The following TH variants were observed in gnomAD, a reference collection of about 807,000 sequenced individuals.
TH encodes the protein tyrosine hydroxylase, also known as tyrosine 3-monooxygenase.
TH carries 49 observed loss-of-function variants against 57.4 expected under a neutral mutation model. That is an observed-to-expected ratio of 0.85 (90% CI 0.68 to 1.08). The LOEUF is 1.08. TH is among the 50% of genes least tolerant of loss of function. TH has a pLI of 0.00. For synonymous variants in TH, 330 were observed against 304.5 expected (o/e 1.08, Z -0.87); for missense variants, 720 against 696.7 (o/e 1.03, Z -0.38).
Position 2,169,807 on chromosome 11 carries a change from G to A in TH, c.155C>T (p.Ala52Val), listed in dbSNP as rs1338337952. The A allele has an allele frequency of 5.0e-6, 8 of 1,610,970 alleles. No individual in the cohort carries two copies. The highest frequency in any genetic ancestry group is 1.7e-5 in the Admixed American group (1 of 59,914). ...GACTGCAGCGGCCGCTGCTGCCACC[G>A]CCGCCTCCCGCTCCTTGCGGGCGTC... ...IEDARKEREA[A>V]VAAAAAAVPS... Residue 52 changes from alanine to valine, a missense_variant, in exon 2 of 13, where the codon GCG becomes GTG. Coordinates refer to ENST00000352909, the MANE Select transcript of TH (RefSeq NM_000360.4).
In TH at chr11:2,166,527, C is replaced by T; in HGVS notation, c.1000G>A (p.Gly334Arg). Residue 334 changes from glycine to arginine, a missense_variant, in exon 9 of 13, where the codon GGG (glycine) becomes AGG (arginine). Physicochemically the swap from Gly to Arg is moderately radical, Grantham distance 125 (BLOSUM62 -2). Coordinates refer to ENST00000352909, the MANE Select transcript of TH (RefSeq NM_000360.4). ...CGGTCGGCCAGCATGGGCACGTGCC[C>T]CAGCAGCTCGTGGCAGCAGTCCCTG... ...PEPDCCHELL[G>R]HVPMLADRTF... The T allele has an allele frequency of 1.9e-6, 3 of 1,602,328 alleles. No individual in the cohort carries two copies. Among genetic ancestry groups the T allele is most frequent in the South Asian group, 1.1e-5 (1 of 89,796 alleles).
intron 11 of TH, 149 bp from the exon 12 acceptor site, chr11:2,165,514 G>A: frequency 7.2e-7 from 1 of 1,380,870 alleles, no homozygotes; most frequent in South Asian, 1.2e-5. Context: ...ATAATGTGGG[G>A]TGAGGACTGG....
Position 2,166,240 on chromosome 11 carries a change from T to C in TH, c.1048-182A>G, listed in dbSNP as rs1846086764. On this transcript the variant is annotated intron_variant, in intron 9 of 12. Coordinates refer to ENST00000352909, the MANE Select transcript of TH (RefSeq NM_000360.4). ...GGCCTCCTCCTCCAGGCAGCCCTCC[T>C]TGACCACATTCCTAAGCCCGTGGGC... The C allele has an allele frequency of 4.5e-6, 4 of 880,478 alleles. No individual in the cohort carries two copies. In the South Asian group the frequency reaches 6.3e-5, roughly 14 times the overall value. The allele number at this position is 880,478 out of a possible 1,614,324, so 54.5% of individuals were successfully genotyped here.
rs1299170832 is a variant in TH at position 2,165,309 on chromosome 11, C to T, written c.1257G>A (p.Val419=). The T allele has an allele frequency of 6.2e-7, 1 of 1,612,574 alleles. No homozygotes were observed. The highest frequency in any genetic ancestry group is 8.5e-7 in the Non-Finnish European group (1 of 1,179,998). ...GGTACGTCTGGTCTTGGTAGGGCTG[C>T]ACGGCCGCAGCCTCAGGGTCGAAGG... The part of the protein sequence containing the change: ...IRAFDPEAAA[V]QPYQDQTYQS... The change falls in exon 12 of 13, where the codon GTG becomes GTA. Residue 419 remains valine (V), a synonymous_variant. Transcript: ENST00000352909.
Position 2,167,496 on chromosome 11 carries a change from G to T in TH, c.645-11C>A. Reference sequence around the variant, plus strand: ...GGAATCGGGTCGCCGCTGGGGAGGGGGCCAGTGGTCAGCAGGTCCCCTCGG... The same window carrying T: ...GGAATCGGGTCGCCGCTGGGGAGGGTGCCAGTGGTCAGCAGGTCCCCTCGG... On this transcript the variant is annotated splice_polypyrimidine_tract_variant and intron_variant, in intron 5 of 12. Transcript: ENST00000352909. 1 of 1,556,372 alleles carries T rather than the reference G, an allele frequency of 6.4e-7. No individual in the cohort carries two copies. Among genetic ancestry groups the T allele is most frequent in the Non-Finnish European group, 8.7e-7 (1 of 1,150,024 alleles).
At chr11:2,167,142 C>T in intron 6 of TH, 110 bp from the exon 7 acceptor site, 1 of 1,482,716 alleles carries the variant, frequency 6.7e-7, no homozygotes, top group Non-Finnish European at 9.1e-7. Flanking sequence ...ACGCAGGCCT[C>T]TTGGGGACCC....
At chr11:2,166,179 AC>A (rs1349294882) in intron 9 of TH, 121 bp from the exon 10 acceptor site, 2 of 1,174,490 alleles carry the variant, frequency 1.7e-6, no homozygotes, top group African/African-American at 3.0e-5. Flanking sequence ...GGCGGCAGAG[AC>A]CTTCCCTGGC....
At chr11:2,166,093 C>T in intron 9 of TH, 35 bp from the exon 10 acceptor site, 1 of 1,549,830 alleles carries the variant, frequency 6.5e-7, no homozygotes. Context: ...TGGGGAGAGG[C>T]AGCCCTGGGT....
chr11:2,165,404 C>G (rs754804363), intron 11 of TH, 39 bp from the exon 12 acceptor site: 1 of 1,604,220 alleles, frequency 6.2e-7, no homozygotes, highest in Admixed American at 1.7e-5. Flanking sequence ...TCCACTGCAC[C>G]CAGGTCCCCG....
chr11:2,165,634 T>C (rs1314549199), intron 11 of TH, 34 bp downstream of exon 11: 3 of 1,602,814 alleles, frequency 1.9e-6, no homozygotes, highest in Non-Finnish European at 2.6e-6. Context: ...GCCCTGCCCC[T>C]CTGCTGGGGG....
intron 9 of TH, 58 bp from the exon 10 acceptor site, chr11:2,166,116 G>T: frequency 6.6e-7 from 1 of 1,525,884 alleles, no homozygotes; most frequent in Non-Finnish European, 8.9e-7. Flanking sequence ...TGCTCGAGGT[G>T]GGGGCACCGG....
chr11:2,169,927 C>T, intron 1 of TH, 56 bp from the exon 2 acceptor site: 1 of 1,528,074 alleles, frequency 6.5e-7, no homozygotes, highest in Non-Finnish European at 8.9e-7. Context: ...CGGGGACCTC[C>T]ACCCACAGCT....
chr11:2,168,547 A>C lies in TH; in HGVS notation c.431T>G (p.Leu144Arg), dbSNP rs1235906491. The C allele has an allele frequency of 6.2e-7, 1 of 1,612,006 alleles. No individual in the cohort carries two copies. The highest frequency in any genetic ancestry group is 8.5e-7 in the Non-Finnish European group (1 of 1,179,726). ...LEVRRGDLAALLSGVRQVSED... is the reference protein window; with the variant it reads ...LEVRRGDLAARLSGVRQVSED... ...TGACACCTGGCGCACACCACTGAGCAGGGCGGCCAGGTCCCCTCGGCGCAC... is the reference window on the plus strand; with the variant it reads ...TGACACCTGGCGCACACCACTGAGCCGGGCGGCCAGGTCCCCTCGGCGCAC... Residue 144 changes from leucine to arginine, a missense_variant, in exon 3 of 13, where the codon CTG becomes CGG. Transcript: ENST00000352909.
In TH at chr11:2,169,842, G is replaced by T. The variant is rs766048900; in HGVS notation, c.120C>A (p.Ser40Arg). The T allele has an allele frequency of 6.2e-7, 1 of 1,610,422 alleles. No individual in the cohort carries two copies. The highest frequency in any genetic ancestry group is 8.5e-7 in the Non-Finnish European group (1 of 1,179,614). ...GCTCCTTGCGGGCGTCCTCGATGAGGCTCTGCCTGCGCCCAATGAACCGCG... is the reference window on the plus strand; with the variant it reads ...GCTCCTTGCGGGCGTCCTCGATGAGTCTCTGCCTGCGCCCAATGAACCGCG... ...MSPRFIGRRQ[S>R]LIEDARKERE... is the part of the protein sequence containing the mutation. The change falls in exon 2 of 13, where the codon AGC becomes AGA. Residue 40 changes from serine to arginine, a missense_variant. Physicochemically the swap from Ser to Arg is moderately radical, Grantham distance 110 (BLOSUM62 -1). Coordinates refer to ENST00000352909, the MANE Select transcript of TH (RefSeq NM_000360.4).
In TH at chr11:2,167,030, T is replaced by C; in HGVS notation, c.698A>G (p.Lys233Arg). ...GCCCTTCAGCGTGGTGTAGACCTCC[T>C]TCCTGCGGGCAGCCAGGCTCAGGGC... ...EYTAEEIATW[K>R]EVYTTLKGLY... The change falls in exon 7 of 13, where the codon AAG (lysine) becomes AGG (arginine). Residue 233 changes from lysine (K) to arginine (R), a missense_variant and splice_region_variant. By Grantham distance (26) the Lys-to-Arg change is conservative (BLOSUM62 2). Transcript: ENST00000352909. 6.3e-7 allele frequency: 1 copy of C among 1,579,756 alleles called. No individual in the cohort carries two copies. The highest frequency in any genetic ancestry group is 8.6e-7 in the Non-Finnish European group (1 of 1,163,044).
At chr11:2,169,515 C>A in intron 2 of TH, 135 bp downstream of exon 2, 2 of 825,442 alleles carry the variant, frequency 2.4e-6, no homozygotes, top group Non-Finnish European at 4.0e-6. Flanking sequence ...AGGCCTGAGA[C>A]TCCCCTGCTG....
intron 2 of TH, among the ~76,000 whole-genome samples, chr11:2,169,175 G>A (rs146041157): frequency 1.3e-5 from 2 of 152,238 alleles, no homozygotes; most frequent in Non-Finnish European, 2.9e-5. Flanking sequence ...GGAGCTGGGG[G>A]GCGGGGAGTC....
At position 2,170,603 on chromosome 11, in the gene TH, G is replaced by C. The variant is rs75888017; in HGVS notation, c.91-732C>G. 1.7e-6 allele frequency: 2 copies of C among 1,206,616 alleles called. No homozygotes were observed. The highest frequency in any genetic ancestry group is 2.4e-6 in the Non-Finnish European group (2 of 833,484). The allele number at this position is 1,206,616 out of a possible 1,614,324, so 74.7% of individuals were successfully genotyped here. On this transcript the variant is annotated intron_variant, in intron 1 of 12. Transcript: ENST00000352909. This position sits in a 1 kb window ranked among gnomAD's most constrained non-coding sequence, Gnocchi z 6.0. ...AGAAGGCTCTGGGCCCCTTGTAAGA[G>C]AAGAATCAGCTTCATCCTGAGCTTC...
At chr11:2,166,843 C>T in intron 7 of TH, 44 bp downstream of exon 7, 1 of 1,582,034 alleles carries the variant, frequency 6.3e-7, no homozygotes, top group East Asian at 2.3e-5. Flanking sequence ...CTTGGCTGAC[C>T]ATCCCCGGCC....
Sources: gnomAD v4.1 joint callset for allele counts (sites outside exome capture counted in the v4.1 genomes callset) on GRCh38, gnomAD v4.1.1 for gene constraint, Gnocchi (gnomAD v3.1) non-coding constraint, MANE v1.5 for transcripts, NCBI Gene and HGNC (gene_info 2026-07-23, HGNC 2026-07-21) for gene names.